The following C12orf42 variants were observed in gnomAD, a reference collection of about 807,000 sequenced individuals.
C12orf42 encodes the protein uncharacterized protein C12orf42.
Under a neutral mutation model 21.6 loss-of-function variants are expected in C12orf42, and 25 were observed. The ratio of observed to expected loss-of-function variants is 1.16; its 90% CI spans 0.84 to 1.62. C12orf42 has a LOEUF of 1.62. Ranked by LOEUF, C12orf42 falls within the 40% of genes most tolerant of loss-of-function variation. C12orf42 has a pLI of 0.00. For synonymous variants in C12orf42, 174 were observed against 175.0 expected (o/e 0.99, Z 0.05); for missense variants, 483 against 459.3 (o/e 1.05, Z -0.47).
intron 3 of C12orf42, among the ~76,000 whole-genome samples, chr12:103,376,627 T>C (rs906715057): frequency 5.3e-5 from 8 of 152,324 alleles, no homozygotes; most frequent in Non-Finnish European, 7.4e-5. Context: ...TGTAGTCTGA[T>C]ACCATTATGT....
rs78176643 is a variant in C12orf42, at chr12:103,283,648, C to T, written n.338-6438G>A. 5.6e-3 allele frequency among the ~76,000 whole-genome samples: 855 copies of T among 152,250 alleles called. 7 individuals carry two copies. Among genetic ancestry groups the T allele is most frequent in the Non-Finnish European group, 9.2e-3 (624 of 67,996 alleles). ...GAAATACTCTTCCACTTCCCATTTC[C>T]TTCCTTTGGGGCCTCTGACTAAGTC... On this transcript the variant is annotated intron_variant and non_coding_transcript_variant, in intron 4 of 6. Coordinates refer to the C12orf42 transcript ENST00000546526.
the C12orf42 span, among the ~76,000 whole-genome samples, chr12:103,198,685 C>A: frequency 1.4e-4 from 21 of 152,334 alleles, no homozygotes; most frequent in Admixed American, 2.6e-4. Context: ...AGGTCTGTGG[C>A]AAGAGTGTGC....
chr12:103,286,920 A>G lies in C12orf42; in HGVS notation n.338-9710T>C, dbSNP rs183128250. ...TCATATCTGCACTCCAGCCTGGGCGACAGAGCGAGACTCCGTCTCAAAAAA... is the reference window on the plus strand; with the variant it reads ...TCATATCTGCACTCCAGCCTGGGCGGCAGAGCGAGACTCCGTCTCAAAAAA... On this transcript the variant is annotated intron_variant and non_coding_transcript_variant, in intron 4 of 6. Transcript: ENST00000546526. Among the ~76,000 whole-genome samples the G allele has an allele frequency of 3.1e-3, 455 of 147,138 alleles. 1 individual carries two copies. Among genetic ancestry groups the G allele is most frequent in the African/African-American group, 0.011 (439 of 38,244 alleles).
the C12orf42 span, among the ~76,000 whole-genome samples, chr12:103,510,432 C>A: frequency 1.3e-5 from 2 of 151,874 alleles, no homozygotes; most frequent in East Asian, 1.9e-4. Flanking sequence ...GATGGGCACA[C>A]CAAAATCTCA....
chr12:103,062,119 A>T, the C12orf42 span, among the ~76,000 whole-genome samples: 1 of 151,904 alleles, frequency 6.6e-6, no homozygotes, highest in Non-Finnish European at 1.5e-5. Context: ...TTAGTATTCC[A>T]TTAGCCAATC....
the C12orf42 span, among the ~76,000 whole-genome samples, chr12:103,160,949 G>A: frequency 3.3e-5 from 5 of 152,238 alleles, no homozygotes; most frequent in South Asian, 2.1e-4. Flanking sequence ...CCTCAGCTGC[G>A]GAAAGGTAGA....
chr12:103,172,787 A>G, the C12orf42 span, among the ~76,000 whole-genome samples: 1 of 152,206 alleles, frequency 6.6e-6, no homozygotes, highest in Non-Finnish European at 1.5e-5. Context: ...AGAACATAGT[A>G]TAATAACACA....
At chr12:103,502,917 A>G in the C12orf42 span, among the ~76,000 whole-genome samples, 4 of 152,200 alleles carry the variant, frequency 2.6e-5, no homozygotes, top group African/African-American at 9.7e-5. Context: ...TGATAGTCCA[A>G]TATTACAGTG....
chr12:103,175,357 C>T, the C12orf42 span, among the ~76,000 whole-genome samples: 1 of 152,096 alleles, frequency 6.6e-6, no homozygotes, highest in South Asian at 2.1e-4. Context: ...AATCCATTCA[C>T]GGACAAACCT....
intron 2 of C12orf42, among the ~76,000 whole-genome samples, chr12:103,441,921 C>T (rs746497610): frequency 6.6e-6 from 1 of 152,112 alleles, no homozygotes; most frequent in Non-Finnish European, 1.5e-5. Context: ...GGCTGAAGTA[C>T]AGATTGAGGC....
At chr12:103,472,737 T>C (rs1953728336) in intron 2 of C12orf42, among the ~76,000 whole-genome samples, 1 of 152,098 alleles carries the variant, frequency 6.6e-6, no homozygotes, top group African/African-American at 2.4e-5. Context: ...ATAGCAATTA[T>C]AGACAAACCA....
Position 103,368,868 on chromosome 12 carries a change from G to T in C12orf42, c.259+19C>A. 7.5e-7 allele frequency: 1 copy of T among 1,338,294 alleles called. No homozygotes were observed. Among genetic ancestry groups the T allele is most frequent in the Non-Finnish European group, 1.1e-6 (1 of 949,278 alleles). The allele number at this position is 1,338,294 out of a possible 1,614,324, so 82.9% of individuals were successfully genotyped here. A position where few individuals can be genotyped will look rare whatever the true frequency, so the allele number is the denominator to read the frequency against. On this transcript the variant is annotated intron_variant, in intron 4 of 5. Transcript: ENST00000548883. ...TCTTTGGAAACTCTGGTCTGTCTTGGGATTATGTCTTAATTTACCTGGAAA... is the reference window on the plus strand; with the variant it reads ...TCTTTGGAAACTCTGGTCTGTCTTGTGATTATGTCTTAATTTACCTGGAAA...
chr12:103,388,252 T>G (rs576582240), intron 3 of C12orf42, among the ~76,000 whole-genome samples: 1 of 152,198 alleles, frequency 6.6e-6, no homozygotes, highest in Non-Finnish European at 1.5e-5. Context: ...CTTTCTGCTT[T>G]GATCTCTCTC....
chr12:103,395,294 T>TAGTA (rs2047423135), intron 3 of C12orf42, among the ~76,000 whole-genome samples: 1 of 152,142 alleles, frequency 6.6e-6, no homozygotes, highest in African/African-American at 2.4e-5. Flanking sequence ...ATTTGAAATT[T>TAGTA]AGTAAGAACA....
At chr12:103,118,977 G>A in the C12orf42 span, among the ~76,000 whole-genome samples, 1 of 151,974 alleles carries the variant, frequency 6.6e-6, no homozygotes, top group Non-Finnish European at 1.5e-5. Flanking sequence ...AAAAGTCCAA[G>A]TTTTTAATCT....
At chr12:103,330,564 T>A (rs1190588789) in intron 4 of C12orf42, among the ~76,000 whole-genome samples, 1 of 152,204 alleles carries the variant, frequency 6.6e-6, no homozygotes, top group Non-Finnish European at 1.5e-5. Flanking sequence ...TTTCAGATAG[T>A]CGGCCATGAA....
At chr12:103,108,590 A>G in the C12orf42 span, among the ~76,000 whole-genome samples, 2 of 152,276 alleles carry the variant, frequency 1.3e-5, no homozygotes, top group Admixed American at 6.5e-5. Context: ...AACTTTTAAC[A>G]AAATGGAAAT....
chr12:103,361,741 A>G lies in C12orf42; in HGVS notation c.259+7146T>C, dbSNP rs1052555807. Among the ~76,000 whole-genome samples, 3 of 151,886 alleles carry G rather than the reference A, an allele frequency of 2.0e-5. No homozygotes were observed. The South Asian group carries it at 6.2e-4, about 32-fold the overall frequency. ...GGCCTGTGACTGCCAGCTTTCCCCC[A>G]CTTCCCTGACTACCTGCATGACACA... On this transcript the variant is annotated intron_variant, in intron 4 of 5. Transcript: ENST00000548883.
chr12:103,390,573 G>A (rs897884545), intron 3 of C12orf42, among the ~76,000 whole-genome samples: 2 of 152,102 alleles, frequency 1.3e-5, no homozygotes, highest in East Asian at 3.9e-4. Context: ...GAACCGATAG[G>A]ATATATATAG....
Sources: allele counts gnomAD v4.1 joint callset (sites outside exome capture counted in the v4.1 genomes callset), GRCh38; gene constraint gnomAD v4.1.1; transcripts MANE v1.5; gene names NCBI Gene and HGNC (gene_info 2026-07-23, HGNC 2026-07-21).